CNKSR2: variants seen among roughly 807,000 people sequenced by gnomAD.
The protein encoded by CNKSR2 is CNK homolog protein 2.
CNKSR2 carries 14 observed loss-of-function variants against 84.4 expected under a neutral mutation model. That is an observed-to-expected ratio of 0.17 (90% CI 0.11 to 0.26). The LOEUF (loss-of-function observed/expected upper bound fraction) is 0.26, where lower values mean the gene tolerates loss of function less well. CNKSR2 is among the 10% of genes least tolerant of loss of function. CNKSR2 has a pLI of 1.00. For missense variants in CNKSR2, 485 were observed against 771.2 expected (o/e 0.63, Z 4.40); for synonymous variants, 275 against 277.9 (o/e 0.99, Z 0.10).
At chrX:21,551,039 A>G (rs2092085394) in intron 11 of CNKSR2, among the ~76,000 whole-genome samples, 1 of 110,655 alleles carries the variant, frequency 9.0e-6, no homozygotes, top group Non-Finnish European at 1.9e-5. Flanking sequence ...TCAAAAAAAA[A>G]AAAAAATGAG....
At chrX:21,600,655 A>T (rs1011745455) in intron 17 of CNKSR2, among the ~76,000 whole-genome samples, 3 of 112,255 alleles carry the variant, frequency 2.7e-5, no homozygotes, top group Non-Finnish European at 5.6e-5. Flanking sequence ...AAGAACTGAG[A>T]TTTATTTTTA....
At chrX:21,607,124 A>G (rs1284219107) in intron 19 of CNKSR2, among the ~76,000 whole-genome samples, 3 of 111,874 alleles carry the variant, frequency 2.7e-5, no homozygotes, top group Non-Finnish European at 3.8e-5. Flanking sequence ...AACAAAATAT[A>G]CTGTTTGTAT....
chrX:21,577,303 A>G (rs941142714), intron 13 of CNKSR2, among the ~76,000 whole-genome samples: 4 of 111,443 alleles, frequency 3.6e-5, no homozygotes, highest in African/African-American at 1.3e-4. Flanking sequence ...AATGACTGCC[A>G]GGAAGCAAAA....
chrX:21,585,053 G>A (rs945288846), intron 13 of CNKSR2, among the ~76,000 whole-genome samples: 4 of 107,679 alleles, frequency 3.7e-5, no homozygotes, highest in Non-Finnish European at 3.8e-5. Context: ...ACCAGCCTGG[G>A]GCAACATGGT....
intron 8 of CNKSR2, chrX:21,504,278 A>G (rs1334200348): frequency 9.0e-6 from 1 of 111,458 alleles, no homozygotes; most frequent in Non-Finnish European, 1.9e-5. Context: ...CCCTACGTTC[A>G]TTACCATAGG....
intron 20 of CNKSR2, among the ~76,000 whole-genome samples, chrX:21,617,842 T>C (rs2092584678): frequency 9.2e-6 from 1 of 109,229 alleles, no homozygotes; most frequent in Non-Finnish European, 1.9e-5. Context: ...ATAGGAGAAA[T>C]ATGAGAAGAA....
intron 20 of CNKSR2, chrX:21,644,865 A>G (rs1362671152): frequency 8.9e-6 from 1 of 112,110 alleles, no homozygotes; most frequent in Non-Finnish European, 1.9e-5. Flanking sequence ...GATAAAACGG[A>G]AGTGTTTTAA....
intron 1 of CNKSR2, among the ~76,000 whole-genome samples, chrX:21,413,146 A>G (rs995060727): frequency 4.5e-5 from 5 of 111,346 alleles, no homozygotes; most frequent in African/African-American, 6.5e-5. Context: ...CATGCCTCAT[A>G]TAAGTGGAAT....
intron 20 of CNKSR2, among the ~76,000 whole-genome samples, chrX:21,626,244 T>TAAAAA (rs397895953): frequency 2.4e-5 from 1 of 40,931 alleles, no homozygotes; most frequent in African/African-American, 7.5e-5. Flanking sequence ...TTCTAGGTGG[T>TAAAAA]AAAAAAAAAA....
intron 20 of CNKSR2, among the ~76,000 whole-genome samples, chrX:21,627,552 A>G (rs2092629706): frequency 8.9e-6 from 1 of 111,998 alleles, no homozygotes; most frequent in African/African-American, 3.3e-5. Flanking sequence ...ATGGACTTAC[A>G]GTGCCACATG....
At chrX:21,475,675 C>G (rs1314876174) in intron 5 of CNKSR2, among the ~76,000 whole-genome samples, 1 of 111,031 alleles carries the variant, frequency 9.0e-6, no homozygotes, top group Non-Finnish European at 1.9e-5. Context: ...AACCCTACCC[C>G]TAAATCTTTA....
At chrX:21,621,494 TA>T (rs756208798) in intron 20 of CNKSR2, among the ~76,000 whole-genome samples, 1 of 111,611 alleles carries the variant, frequency 9.0e-6, no homozygotes, top group South Asian at 3.7e-4. Flanking sequence ...TCCAAAATTC[TA>T]AGCACCCTTT....
chrX:21,622,380 G>C (rs1258543413), intron 20 of CNKSR2, among the ~76,000 whole-genome samples: 1 of 110,791 alleles, frequency 9.0e-6, no homozygotes, highest in Non-Finnish European at 1.9e-5. Flanking sequence ...ACTAAGGCTT[G>C]TTCTAAAGAA....
chrX:21,465,358 A>G (rs2091113437), intron 4 of CNKSR2, among the ~76,000 whole-genome samples: 1 of 111,331 alleles, frequency 9.0e-6, no homozygotes, highest in Non-Finnish European at 1.9e-5. Context: ...TGTGACTTCA[A>G]TAAATAAATG....
chrX:21,440,587 C>T, intron 3 of CNKSR2, 107 bp from the exon 4 acceptor site: 1 of 326,216 alleles, frequency 3.1e-6, no homozygotes, highest in Non-Finnish European at 5.3e-6. Context: ...ATGGAAATTT[C>T]AGAACAATTT....
At chrX:21,471,297 A>G (rs772546434) in intron 5 of CNKSR2, among the ~76,000 whole-genome samples, 1 of 112,269 alleles carries the variant, frequency 8.9e-6, no homozygotes, top group African/African-American at 3.2e-5. Flanking sequence ...CATATATTTT[A>G]TTACTAGAAA....
intron 2 of CNKSR2, chrX:21,429,256 ATAAG>A (rs1450804508): frequency 1.8e-5 from 2 of 112,209 alleles, no homozygotes; most frequent in Non-Finnish European, 1.9e-5. Context: ...ATATGAACAA[ATAAG>A]TAACATATAT....
intron 9 of CNKSR2, 88 bp from the exon 10 acceptor site, chrX:21,526,779 A>G: frequency 3.8e-6 from 3 of 796,809 alleles, no homozygotes; most frequent in East Asian, 3.3e-5. Context: ...AATGATAACT[A>G]TGTGTCATTG....
At chrX:21,389,126 A>G (rs1475749303) in intron 1 of CNKSR2, among the ~76,000 whole-genome samples, 2 of 107,368 alleles carry the variant, frequency 1.9e-5, no homozygotes, top group Admixed American at 1.0e-4. Context: ...TACCGAACCA[A>G]TACTCCACAA....
Sources: allele counts gnomAD v4.1 joint callset (sites outside exome capture counted in the v4.1 genomes callset), GRCh38; gene constraint gnomAD v4.1.1; transcripts MANE v1.5; gene names NCBI Gene and HGNC (gene_info 2026-07-23, HGNC 2026-07-21).